Variants in ITIH1 observed in about 807,000 individuals in gnomAD.
ITIH1 encodes the protein inter-alpha-trypsin inhibitor heavy chain H1.
ITIH1 carries 94 observed loss-of-function variants against 104.6 expected under a neutral mutation model. The ratio of observed to expected loss-of-function variants is 0.90; its 90% CI spans 0.76 to 1.07. The LOEUF (loss-of-function observed/expected upper bound fraction) is 1.07, where lower values mean the gene tolerates loss of function less well. Among genes scored for constraint, ITIH1 ranks in the 50% least tolerant of loss-of-function variants. ITIH1 has a pLI of 0.00. For synonymous variants in ITIH1, 455 were observed against 464.4 expected (o/e 0.98, Z 0.26); for missense variants, 1,193 against 1,181.4 (o/e 1.01, Z -0.14).
intron 12 of ITIH1, 52 bp downstream of exon 12, chr3:52,785,281 C>G: frequency 6.4e-7 from 1 of 1,564,308 alleles, no homozygotes. Flanking sequence ...CCTAGAGGCT[C>G]CAAACCCACA....
Position 52,779,700 on chromosome 3 carries a change from C to G in ITIH1, c.573+106C>G. 1 of 1,364,824 alleles carries G rather than the reference C, an allele frequency of 7.3e-7. No individual in the cohort carries two copies. Among genetic ancestry groups the G allele is most frequent in the East Asian group, 2.3e-5 (1 of 43,598 alleles). The allele number at this position is 1,364,824 out of a possible 1,614,324, so 84.5% of individuals were successfully genotyped here. On this transcript the variant is annotated intron_variant, in intron 5 of 21. Coordinates refer to ENST00000273283, the MANE Select transcript of ITIH1 (RefSeq NM_002215.4). The surrounding 1 kb of genome is among the most constrained non-coding windows in gnomAD (Gnocchi z 4.4). Reference sequence around the variant, plus strand: ...GTGTCACCACCCAGGCCTGAGAACACAGGGATGGGGACTAACCCCTCAGGG... The same window carrying G: ...GTGTCACCACCCAGGCCTGAGAACAGAGGGATGGGGACTAACCCCTCAGGG...
At chr3:52,780,227 C>A in intron 5 of ITIH1, 42 bp from the exon 6 acceptor site, 1 of 1,480,350 alleles carries the variant, frequency 6.8e-7, no homozygotes, top group Non-Finnish European at 9.3e-7. Flanking sequence ...AAGCAAGATC[C>A]CATCTTTTTT....
intron 12 of ITIH1, among the ~76,000 whole-genome samples, chr3:52,785,867 T>G (rs2535630): frequency 0.99 from 150,271 of 152,380 alleles, 74,103 homozygotes; most frequent in Middle Eastern, 1. Flanking sequence ...TATAATACCC[T>G]TAGGCAGCAG....
intron 8 of ITIH1, 146 bp from the exon 9 acceptor site, chr3:52,782,811 G>A: frequency 1.4e-6 from 1 of 730,386 alleles, no homozygotes; most frequent in East Asian, 2.6e-5. Context: ...CCGGCAGGAT[G>A]CTCCTGTCTC....
At chr3:52,789,967 T>C in intron 19 of ITIH1, 113 bp downstream of exon 19, 2 of 1,094,378 alleles carry the variant, frequency 1.8e-6, no homozygotes, top group Admixed American at 3.9e-5. Context: ...GACACCCATG[T>C]GGCCTGTGCA....
intron 2 of ITIH1, 94 bp downstream of exon 2, chr3:52,778,111 C>A: frequency 7.1e-7 from 1 of 1,403,252 alleles, no homozygotes; most frequent in South Asian, 1.2e-5. Context: ...TCTATCAGGG[C>A]CATAGGCATG....
Position 52,779,981 on chromosome 3 carries a change from T to G in ITIH1, c.574-288T>G. On this transcript the variant is annotated intron_variant, in intron 5 of 21. Transcript: ENST00000273283. This position sits in a 1 kb window ranked among gnomAD's most constrained non-coding sequence, Gnocchi z 4.4. ...AGGGATGCAGGCATGTACACCTTCA[T>G]TTGGTCAGTATTTTTGGAGTGCCTA... The G allele has an allele frequency of 2.2e-6, 3 of 1,386,226 alleles. No individual in the cohort carries two copies. The highest frequency in any genetic ancestry group is 1.5e-5 in the African/African-American group (1 of 68,882). 85.9% of individuals were successfully genotyped at this position (1,386,226 alleles called of 1,614,324 possible). A position where few individuals can be genotyped will look rare whatever the true frequency, so the allele number is the denominator to read the frequency against.
Position 52,790,739 on chromosome 3 carries a change from G to T in ITIH1, c.2322-10G>T, listed in dbSNP as rs372668550. The T allele has an allele frequency of 3.1e-6, 5 of 1,608,098 alleles. No individual in the cohort carries two copies. Among genetic ancestry groups the T allele is most frequent in the Non-Finnish European group, 4.2e-6 (5 of 1,177,840 alleles). On this transcript the variant is annotated splice_polypyrimidine_tract_variant and intron_variant, in intron 19 of 21. Transcript: ENST00000273283. ...GCCGCACCTGCCCTCTCGGCCACCT[G>T]GCTCTGCAGGGTGGTGGTGACCATC...
intron 13 of ITIH1, among the ~76,000 whole-genome samples, 189 bp from the exon 14 acceptor site, chr3:52,786,756 C>T (rs1699213123): frequency 6.6e-6 from 1 of 152,302 alleles, no homozygotes; most frequent in Admixed American, 6.5e-5. Context: ...TCCAAGTGAT[C>T]TCTGTAAGAG....
chr3:52,778,072 C>T, intron 2 of ITIH1, 55 bp downstream of exon 2: 1 of 1,594,344 alleles, frequency 6.3e-7, no homozygotes, highest in South Asian at 1.1e-5. Context: ...TACAGGCTTG[C>T]TTTCCCCAAC....
intron 11 of ITIH1, 47 bp downstream of exon 11, chr3:52,784,524 G>A: frequency 6.3e-7 from 1 of 1,580,734 alleles, no homozygotes; most frequent in Non-Finnish European, 8.6e-7. Flanking sequence ...GCCATAGGGA[G>A]CCCTGCCTTG....
chr3:52,786,406 C>T lies in ITIH1; in HGVS notation c.1705C>T (p.Leu569Phe). 3.8e-6 allele frequency: 6 copies of T among 1,586,396 alleles called. No homozygotes were observed. Among genetic ancestry groups the T allele is most frequent in the Non-Finnish European group, 5.1e-6 (6 of 1,166,082 alleles). ...CCACGTCGAGCGCCTCTGGGCCTAC[C>T]TCACCATCCAGGAGCTGCTGGCCAA... Reference protein sequence around the residue: ...ENHVERLWAYLTIQELLAKRM... With the variant: ...ENHVERLWAYFTIQELLAKRM... The change falls in exon 13 of 22, where the codon CTC (leucine) becomes TTC (phenylalanine). Residue 569 changes from leucine (L) to phenylalanine (F), a missense_variant. Physicochemically the swap from Leu to Phe is conservative, Grantham distance 22. Transcript: ENST00000273283.
intron 10 of ITIH1, 54 bp from the exon 11 acceptor site, chr3:52,784,242 C>T: frequency 2.0e-6 from 3 of 1,481,836 alleles, no homozygotes; most frequent in Non-Finnish European, 2.8e-6. Flanking sequence ...CCCCCTCGTG[C>T]CCCACATGCC....
intron 18 of ITIH1, among the ~76,000 whole-genome samples, chr3:52,788,562 C>CTTTT (rs375504966): frequency 0.31 from 43,633 of 138,974 alleles, 7,642 homozygotes; most frequent in Admixed American, 0.43. Context: ...CACACAGGGG[C>CTTTT]TTTTTTTTTT....
At position 52,778,440 on chromosome 3, in the gene ITIH1, A is replaced by C. The variant is rs374507501; in HGVS notation, c.239A>C (p.Asn80Thr). 6.2e-7 allele frequency: 1 copy of C among 1,614,204 alleles called. No individual in the cohort carries two copies. Among genetic ancestry groups the C allele is most frequent in the South Asian group, 1.1e-5 (1 of 91,082 alleles). The change falls in exon 3 of 22, where the codon AAT (asparagine) becomes ACT (threonine). Residue 80 changes from asparagine (N) to threonine (T), a missense_variant. By Grantham distance (65) the Asn-to-Thr change is moderately conservative. Coordinates refer to ENST00000273283, the MANE Select transcript of ITIH1 (RefSeq NM_002215.4). ...ACCAGCCAAGTGGTCAACACTGCCAATGAAGCCAGGGAAGTGGCCTTCGAC... is the reference window on the plus strand; with the variant it reads ...ACCAGCCAAGTGGTCAACACTGCCACTGAAGCCAGGGAAGTGGCCTTCGAC... ...VVTSQVVNTANEAREVAFDLE... is the reference protein window; with the variant it reads ...VVTSQVVNTATEAREVAFDLE...
chr3:52,779,118 G>C lies in ITIH1; in HGVS notation c.410+72G>C. 3.6e-6 allele frequency: 4 copies of C among 1,121,240 alleles called. No homozygotes were observed. The South Asian group carries it at 5.0e-5, about 14-fold the overall frequency. 69.5% of individuals were successfully genotyped at this position (1,121,240 alleles called of 1,614,324 possible). On this transcript the variant is annotated intron_variant, in intron 4 of 21. Coordinates refer to ENST00000273283, the MANE Select transcript of ITIH1 (RefSeq NM_002215.4). The surrounding 1 kb of genome is among the most constrained non-coding windows in gnomAD (Gnocchi z 4.4). ...GCCAGGACAGGTCTGATGGCTGCAA[G>C]GTGGCTTTAGTGGAGAACAGCCCAG...
In ITIH1 at chr3:52,778,392, C is replaced by T; in HGVS notation, c.191C>T (p.Ser64Phe). ...TTGAAAGTCAACTGCAAAGTCACCT[C>T]TCGCTTCGCCCACTATGTTGTCACC... ...RSLKVNCKVT[S>F]RFAHYVVTSQ... The change falls in exon 3 of 22, where the codon TCT (serine) becomes TTT (phenylalanine). Residue 64 changes from serine (S) to phenylalanine (F), a missense_variant. By Grantham distance (155) the Ser-to-Phe change is radical. Transcript: ENST00000273283. 2.5e-6 allele frequency: 4 copies of T among 1,614,246 alleles called. No homozygotes were observed. The highest frequency in any genetic ancestry group is 3.4e-6 in the Non-Finnish European group (4 of 1,180,046).
At position 52,779,433 on chromosome 3, in the gene ITIH1, G is replaced by A. The variant is rs1307645863; in HGVS notation, c.412G>A (p.Ala138Thr). 1.2e-6 allele frequency: 2 copies of A among 1,614,248 alleles called. No individual in the cohort carries two copies. Residue 138 changes from alanine (A) to threonine (T), a missense_variant and splice_region_variant, in exon 5 of 22, where the codon GCC becomes ACC. By Grantham distance (58) the Ala-to-Thr change is moderately conservative. Coordinates refer to ENST00000273283, the MANE Select transcript of ITIH1 (RefSeq NM_002215.4). This position sits in a 1 kb window ranked among gnomAD's most constrained non-coding sequence, Gnocchi z 4.4. ...ISGENAGLVRASGRTMEQFTI... is the reference protein window; with the variant it reads ...ISGENAGLVRTSGRTMEQFTI... ...TGTTGCCTCTGGTGGCACATCCAGGGCCTCGGGGAGAACTATGGAGCAATT... is the reference window on the plus strand; with the variant it reads ...TGTTGCCTCTGGTGGCACATCCAGGACCTCGGGGAGAACTATGGAGCAATT...
At chr3:52,790,191 T>A (rs767935088) in intron 19 of ITIH1, 2 of 385,878 alleles carry the variant, frequency 5.2e-6, no homozygotes, top group Non-Finnish European at 9.6e-6. Flanking sequence ...TCTGCTGAAC[T>A]CCAGATTTCT....
Sources: allele counts gnomAD v4.1 joint callset (sites outside exome capture counted in the v4.1 genomes callset), GRCh38; gene constraint gnomAD v4.1.1; non-coding constraint Gnocchi (gnomAD v3.1); transcripts MANE v1.5; gene names NCBI Gene and HGNC (gene_info 2026-07-23, HGNC 2026-07-21).